The following HERPUD2 variants were observed in gnomAD, a reference collection of about 807,000 sequenced individuals.
HERPUD2 encodes homocysteine-responsive endoplasmic reticulum-resident ubiquitin-like domain member 2 protein.
Under a neutral mutation model 49.9 loss-of-function variants are expected in HERPUD2, and 13 were observed. The ratio of observed to expected loss-of-function variants is 0.26; its 90% CI spans 0.17 to 0.41. The LOEUF (loss-of-function observed/expected upper bound fraction) is 0.41, where lower values mean the gene tolerates loss of function less well. HERPUD2 is among the 10% of genes least tolerant of loss of function. The pLI, the probability that HERPUD2 is intolerant of heterozygous loss-of-function variation, is 1.00. For missense variants in HERPUD2, 449 were observed against 492.2 expected, an observed-to-expected ratio of 0.91 and a Z score of 0.83; for synonymous variants, 172 against 171.4, an observed-to-expected ratio of 1.00 and a Z score of -0.03.
intron 8 of HERPUD2, 145 bp downstream of exon 8, chr7:35,634,167 A>C: frequency 1.6e-6 from 1 of 614,536 alleles, no homozygotes; most frequent in Non-Finnish European, 2.9e-6. Flanking sequence ...CCCAAATGAA[A>C]CCACCACAAT....
rs754888005 is a variant in HERPUD2 at position 35,633,865 on chromosome 7, CAAGA to C, written c.1060-18_1060-15del. 2.5e-6 allele frequency: 4 copies of C among 1,610,454 alleles called. No homozygotes were observed. The highest frequency in any genetic ancestry group is 1.7e-5 in the Admixed American group (1 of 59,164). On this transcript the variant is annotated splice_polypyrimidine_tract_variant and intron_variant, in intron 8 of 8. Coordinates refer to ENST00000311350, the MANE Select transcript of HERPUD2 (RefSeq NM_022373.5). The stretch of plus-strand genomic sequence containing the variant: ...CATAAGACGCTCCTTTCAAGCAAAA[CAAGA>C]AAGATACTCCTGAGTGATATGAACG...
At chr7:35,635,519 T>C in intron 6 of HERPUD2, 61 bp from the exon 7 acceptor site, 1 of 1,374,748 alleles carries the variant, frequency 7.3e-7, no homozygotes, top group East Asian at 2.4e-5. Context: ...ACCATATTTT[T>C]TTAAACTTCT....
intron 5 of HERPUD2, among the ~76,000 whole-genome samples, chr7:35,659,370 C>G (rs1006345560): frequency 1.3e-5 from 2 of 152,186 alleles, no homozygotes; most frequent in South Asian, 2.1e-4. Flanking sequence ...TATTTTCTAG[C>G]ACCTAACACA....
intron 4 of HERPUD2, among the ~76,000 whole-genome samples, chr7:35,668,082 G>A (rs1216696284): frequency 1.4e-5 from 2 of 138,096 alleles, no homozygotes; most frequent in African/African-American, 5.2e-5. Flanking sequence ...AGAAATCCTA[G>A]AAATCAAAAG....
At position 35,632,729 on chromosome 7, in the gene HERPUD2, T is replaced by C. The variant is rs1725976003; in HGVS notation, c.*961A>G. On this transcript the variant is annotated 3_prime_UTR_variant, in exon 9 of 9. Coordinates refer to ENST00000311350, the MANE Select transcript of HERPUD2 (RefSeq NM_022373.5). ...TCCAGCTTATCTTTTTTTATAAAAG[T>C]ACTGCCTATATCAAACATTTTATAT... 1 of 152,638 alleles carries C rather than the reference T, an allele frequency of 6.6e-6. No homozygotes were observed. The highest frequency in any genetic ancestry group is 6.5e-5 in the Admixed American group (1 of 15,272). The allele number at this position is 152,638 out of a possible 1,614,324, so 9.5% of individuals were successfully genotyped here.
Position 35,685,320 on chromosome 7 carries a change from TTTTTG to T in HERPUD2, c.147+8859_147+8863del, listed in dbSNP as rs1163934581. Among the ~76,000 whole-genome samples, 5 of 119,098 alleles carry T rather than the reference TTTTTG, an allele frequency of 4.2e-5. No homozygotes were observed. In the East Asian group the frequency reaches 1.3e-3, roughly 32 times the overall value. The allele number at this position is 119,098 out of a possible 152,430, so 78.1% of individuals were successfully genotyped here. ...AGGTAAAAAGTAACACTTGGAATTT[TTTTTG>T]TTTTTTTTTTTTTTTGGAGATAGAG... On this transcript the variant is annotated intron_variant, in intron 2 of 8. Coordinates refer to ENST00000311350, the MANE Select transcript of HERPUD2 (RefSeq NM_022373.5).
chr7:35,635,452 A>G lies in HERPUD2; in HGVS notation c.624T>C (p.Ala208=). 1 of 1,609,494 alleles carries G rather than the reference A, an allele frequency of 6.2e-7. No homozygotes were observed. Among genetic ancestry groups the G allele is most frequent in the Non-Finnish European group, 8.5e-7 (1 of 1,176,552 alleles). The change falls in exon 7 of 9, where the codon GCT becomes GCC. Residue 208 remains alanine (A), a synonymous_variant. Transcript: ENST00000311350. ...TTGATGTGGCCTGAGCTGAAACTGC[A>G]GCTTGACTGAAATAGTCACCAAAAT... ...YAHQYYMQYQ[A]AVSAQATSNV...
chr7:35,691,831 G>C (rs151224927), intron 2 of HERPUD2, among the ~76,000 whole-genome samples: 179 of 152,174 alleles, frequency 1.2e-3, no homozygotes, highest in African/African-American at 4.0e-3. Context: ...ATGGCTTTGC[G>C]ATACCATTAA....
intron 4 of HERPUD2, among the ~76,000 whole-genome samples, chr7:35,668,982 C>A (rs1785593944): frequency 1.3e-5 from 2 of 152,086 alleles, no homozygotes; most frequent in Non-Finnish European, 2.9e-5. Flanking sequence ...ACTTAACATT[C>A]CTTTGATACT....
intron 2 of HERPUD2, among the ~76,000 whole-genome samples, chr7:35,682,531 T>C (rs551620494): frequency 2.6e-5 from 4 of 151,362 alleles, no homozygotes; most frequent in African/African-American, 7.3e-5. Flanking sequence ...CTCTCACCAC[T>C]CCTTTCCAAC....
At chr7:35,647,544 T>C (rs748563477) in intron 5 of HERPUD2, among the ~76,000 whole-genome samples, 1 of 152,204 alleles carries the variant, frequency 6.6e-6, no homozygotes, top group African/African-American at 2.4e-5. Context: ...CAGTCACCAA[T>C]ACTTAAAATC....
At chr7:35,688,645 G>T (rs1786116004) in intron 2 of HERPUD2, among the ~76,000 whole-genome samples, 1 of 152,194 alleles carries the variant, frequency 6.6e-6, no homozygotes, top group Admixed American at 6.5e-5. Flanking sequence ...ACCATAGTAA[G>T]GCTGTTATCC....
chr7:35,683,911 G>A (rs1785970983), intron 2 of HERPUD2, among the ~76,000 whole-genome samples: 1 of 152,166 alleles, frequency 6.6e-6, no homozygotes, highest in African/African-American at 2.4e-5. Context: ...AAAAATAATA[G>A]ATGTTGGCGT....
At chr7:35,651,952 G>C (rs1785177424) in intron 5 of HERPUD2, among the ~76,000 whole-genome samples, 1 of 152,146 alleles carries the variant, frequency 6.6e-6, no homozygotes. Context: ...TCTTATCTGA[G>C]CAATTTAGAA....
chr7:35,674,742 C>A (rs901978149), intron 2 of HERPUD2, among the ~76,000 whole-genome samples: 1 of 148,878 alleles, frequency 6.7e-6, no homozygotes, highest in East Asian at 2.1e-4. Flanking sequence ...TAATCAATCA[C>A]GCCTACCTAA....
rs1784835428 is a variant in HERPUD2 at position 35,634,333 on chromosome 7, G to A, written c.1038C>T (p.Asn346=). The stretch of plus-strand genomic sequence containing the variant: ...ATACCATTTCTTCAAGTTCCAAGTT[G>A]TTTGCATTTTGCCCATCATTGTTAA... ...AEVNNDGQNA[N]NLELEEMERL... is the part of the protein sequence containing the mutation. The change falls in exon 8 of 9, where the codon AAC becomes AAT. Residue 346 remains asparagine (N), a synonymous_variant. Coordinates refer to ENST00000311350, the MANE Select transcript of HERPUD2 (RefSeq NM_022373.5). 6.2e-7 allele frequency: 1 copy of A among 1,611,396 alleles called. No individual in the cohort carries two copies. Among genetic ancestry groups the A allele is most frequent in the Non-Finnish European group, 8.5e-7 (1 of 1,177,630 alleles).
intron 5 of HERPUD2, among the ~76,000 whole-genome samples, chr7:35,650,755 ATTTACGACTG>A (rs1358055095): frequency 6.6e-6 from 1 of 152,082 alleles, no homozygotes; most frequent in African/African-American, 2.4e-5. Context: ...CCCCCCACCA[ATTTACGACTG>A]TTGTCATTGA....
At chr7:35,670,046 C>T (rs1379242247) in intron 4 of HERPUD2, among the ~76,000 whole-genome samples, 169 bp downstream of exon 4, 3 of 151,800 alleles carry the variant, frequency 2.0e-5, no homozygotes, top group African/African-American at 7.3e-5. Flanking sequence ...CGTATTAGAT[C>T]TTTCAAAATG....
At chr7:35,635,539 A>G (rs1784857946) in intron 6 of HERPUD2, 81 bp from the exon 7 acceptor site, 2 of 1,184,060 alleles carry the variant, frequency 1.7e-6, no homozygotes, top group East Asian at 2.5e-5. Context: ...TTGGGGAGCT[A>G]TATGTATTTT....
Sources: allele counts gnomAD v4.1 joint callset (sites outside exome capture counted in the v4.1 genomes callset), GRCh38; gene constraint gnomAD v4.1.1; transcripts MANE v1.5; gene names NCBI Gene and HGNC (gene_info 2026-07-23, HGNC 2026-07-21).